Variants in LRCH3 observed in about 807,000 individuals in gnomAD.
The protein encoded by LRCH3 is leucine rich repeats and calponin homology domain containing 3, also known as DISP complex protein LRCH3.
In LRCH3, 68 loss-of-function variants were observed where a neutral mutation model predicts 104.5. That is an observed-to-expected ratio of 0.65 (90% CI 0.54 to 0.80). The LOEUF (loss-of-function observed/expected upper bound fraction) is 0.80, where lower values mean the gene tolerates loss of function less well. LRCH3 is among the 30% of genes least tolerant of loss of function. LRCH3 has a pLI of 0.00. For missense variants in LRCH3, 951 were observed against 953.9 expected (o/e 1.00, Z 0.04); for synonymous variants, 344 against 361.3 (o/e 0.95, Z 0.54).
At chr3:197,826,841 A>C in intron 4 of LRCH3, 37 bp from the exon 5 acceptor site, 1 of 1,612,976 alleles carries the variant, frequency 6.2e-7, no homozygotes, top group Middle Eastern at 1.6e-4. Flanking sequence ...GTTGTAAAAC[A>C]TCATTAATTG....
chr3:197,869,152 G>A (rs546297744), intron 17 of LRCH3, among the ~76,000 whole-genome samples: 11 of 152,332 alleles, frequency 7.2e-5, no homozygotes, highest in Admixed American at 4.6e-4. Flanking sequence ...CTTGCAGGAA[G>A]TAGAAACCAA....
intron 12 of LRCH3, among the ~76,000 whole-genome samples, chr3:197,849,713 A>G (rs1374771704): frequency 2.0e-5 from 3 of 152,202 alleles, no homozygotes; most frequent in East Asian, 1.9e-4. Context: ...AGATTAAGCA[A>G]TGTGGTCATT....
At chr3:197,839,267 C>T (rs541082220) in intron 9 of LRCH3, 54 bp from the exon 10 acceptor site, 156 of 1,139,340 alleles carry the variant, frequency 1.4e-4, no homozygotes, top group Non-Finnish European at 1.6e-4. Flanking sequence ...ACTGTGTAAT[C>T]GCAGTGTTCT....
chr3:197,813,806 C>T (rs976923975), intron 1 of LRCH3, among the ~76,000 whole-genome samples: 1 of 152,238 alleles, frequency 6.6e-6, no homozygotes, highest in South Asian at 2.1e-4. Flanking sequence ...GCTGGGATTA[C>T]AGGCGTGAGC....
At chr3:197,830,579 A>G in intron 6 of LRCH3, 191 bp from the exon 7 acceptor site, 1 of 530,930 alleles carries the variant, frequency 1.9e-6, no homozygotes, top group Admixed American at 3.1e-5. Flanking sequence ...TAATGAGTAC[A>G]TGAGGTCTCA....
rs556209335 is a variant in LRCH3, at chr3:197,880,346, G to C, written c.2209-3195G>C. On this transcript the variant is annotated intron_variant, in intron 20 of 20. Coordinates refer to ENST00000425562, the MANE Select transcript of LRCH3 (RefSeq NM_001365715.1). Reference sequence around the variant, plus strand: ...CTCAGCATGGAGAAGATTCTTTGTAGTTTGGGTTTTCAGCGTTTTATTTTT... The same window carrying C: ...CTCAGCATGGAGAAGATTCTTTGTACTTTGGGTTTTCAGCGTTTTATTTTT... Among the ~76,000 whole-genome samples the C allele has an allele frequency of 3.3e-5, 5 of 152,338 alleles. No homozygotes were observed. The East Asian group carries it at 9.6e-4, about 29-fold the overall frequency.
intron 12 of LRCH3, chr3:197,852,296 G>A (rs1739714605): frequency 5.6e-6 from 2 of 358,642 alleles, no homozygotes; most frequent in East Asian, 4.8e-5. Flanking sequence ...ATTAGCATTC[G>A]AGTGATACTA....
chr3:197,823,855 C>T (rs1455284390), intron 4 of LRCH3, among the ~76,000 whole-genome samples: 1 of 152,132 alleles, frequency 6.6e-6, no homozygotes, highest in African/African-American at 2.4e-5. Flanking sequence ...CTTATGTCAG[C>T]TTCCTATTGT....
At chr3:197,880,930 A>AT (rs1278888645) in intron 20 of LRCH3, 9 of 1,407,096 alleles carry the variant, frequency 6.4e-6, no homozygotes, top group African/African-American at 1.4e-5. Flanking sequence ...AAAGACCAGC[A>AT]TTTTTTCTCC....
At chr3:197,873,145 C>T (rs1381288185) in intron 19 of LRCH3, among the ~76,000 whole-genome samples, 1 of 152,180 alleles carries the variant, frequency 6.6e-6, no homozygotes, top group Non-Finnish European at 1.5e-5. Context: ...TGACACACCC[C>T]TCCTCTGTTT....
chr3:197,862,968 C>T (rs9798878), intron 15 of LRCH3, among the ~76,000 whole-genome samples: 44,044 of 151,864 alleles, frequency 0.29, 6,802 homozygotes, highest in East Asian at 0.53. Flanking sequence ...ATTTTCTCAA[C>T]ATATGGCCTT....
At chr3:197,863,326 C>T (rs544837379) in intron 15 of LRCH3, among the ~76,000 whole-genome samples, 125 of 152,164 alleles carry the variant, frequency 8.2e-4, no homozygotes, top group Middle Eastern at 3.4e-3. Flanking sequence ...GCAGTGGCGC[C>T]ATCTCGGCTC....
chr3:197,866,216 A>G lies in LRCH3; in HGVS notation c.1870A>G (p.Lys624Glu), dbSNP rs1580864965. 5 of 1,612,042 alleles carry G rather than the reference A, an allele frequency of 3.1e-6. No homozygotes were observed. In the East Asian group the frequency reaches 6.7e-5, roughly 22 times the overall value. ...AGCAGGTGTCAGGGCAGAAACCAAC[A>G]AAGGTAGGTGGTGGTGATTTTAAAA... ...FRAGVRAETN[K>E]GHASPLPPSA... Residue 624 changes from lysine (K) to glutamate (E), a missense_variant, in exon 17 of 21, where the codon AAA (lysine) becomes GAA (glutamate). Transcript: ENST00000425562.
At chr3:197,801,992 C>T (rs1731948726) in intron 1 of LRCH3, among the ~76,000 whole-genome samples, 1 of 152,162 alleles carries the variant, frequency 6.6e-6, no homozygotes. Context: ...CTCTCAGGTC[C>T]TGGATGCCAC....
chr3:197,816,265 T>C (rs1733784756), intron 2 of LRCH3, among the ~76,000 whole-genome samples: 1 of 152,100 alleles, frequency 6.6e-6, no homozygotes, highest in African/African-American at 2.4e-5. Flanking sequence ...TTTATCTTGA[T>C]AGATGTGGGT....
At chr3:197,796,729 C>G (rs1560515688) in intron 1 of LRCH3, among the ~76,000 whole-genome samples, 1 of 152,148 alleles carries the variant, frequency 6.6e-6, no homozygotes, top group Non-Finnish European at 1.5e-5. Context: ...ATAATTTGAT[C>G]AAGGTCTCCC....
At chr3:197,875,670 G>A (rs2109547725) in intron 19 of LRCH3, 28 bp from the exon 20 acceptor site, 2 of 1,514,226 alleles carry the variant, frequency 1.3e-6, no homozygotes, top group East Asian at 4.9e-5. Context: ...AACTTCTCTA[G>A]TAACACATTT....
chr3:197,872,060 T>C (rs1270266325), intron 19 of LRCH3, among the ~76,000 whole-genome samples: 2 of 152,130 alleles, frequency 1.3e-5, no homozygotes, highest in African/African-American at 4.8e-5. Flanking sequence ...AACTGCAGTT[T>C]AGAATGACGA....
At chr3:197,813,847 T>C (rs957367100) in intron 1 of LRCH3, among the ~76,000 whole-genome samples, 1 of 152,166 alleles carries the variant, frequency 6.6e-6, no homozygotes, top group African/African-American at 2.4e-5. Flanking sequence ...ATGTAATTTC[T>C]GATTATCTTT....
Sources: allele counts gnomAD v4.1 joint callset (sites outside exome capture counted in the v4.1 genomes callset), GRCh38; gene constraint gnomAD v4.1.1; transcripts MANE v1.5; gene names NCBI Gene and HGNC (gene_info 2026-07-23, HGNC 2026-07-21).